The following HERC1 variants were observed in gnomAD, a reference collection of about 807,000 sequenced individuals.
The protein encoded by HERC1 is HECT and RLD domain containing E3 ubiquitin protein ligase family member 1, also known as probable E3 ubiquitin-protein ligase HERC1.
In HERC1, 160 loss-of-function variants were observed where a neutral mutation model predicts 554.3. The observed-to-expected ratio is 0.29, with a 90% CI of 0.25 to 0.33. HERC1 has a LOEUF of 0.33. Ranked by LOEUF, HERC1 falls within the 10% of genes least tolerant of loss-of-function variation. HERC1 has a pLI of 1.00. For synonymous variants in HERC1, 2,175 were observed against 2,131.7 expected, an observed-to-expected ratio of 1.02 and a Z score of -0.56; for missense variants, 4,919 against 5,918.5, an observed-to-expected ratio of 0.83 and a Z score of 5.54.
rs763313292 is a variant in HERC1, at chr15:63,669,533, C to T, written c.8206+5G>A. 1.9e-6 allele frequency: 3 copies of T among 1,613,400 alleles called. No individual in the cohort carries two copies. The highest frequency in any genetic ancestry group is 1.7e-6 in the Non-Finnish European group (2 of 1,179,448). ...GGATATCATAGTGCATATCAGCACA[C>T]GCACCTGTGCGGTTAGCTGGCCTTG... On this transcript the variant is annotated splice_donor_5th_base_variant and intron_variant, in intron 40 of 77. Transcript: ENST00000443617.
At chr15:63,660,073 C>T in intron 46 of HERC1, 137 bp from the exon 47 acceptor site, 1 of 721,650 alleles carries the variant, frequency 1.4e-6, no homozygotes, top group Non-Finnish European at 2.3e-6. Context: ...AATCCCAACA[C>T]TCTGGGAGGC....
chr15:63,702,933 G>A (rs541732340), intron 25 of HERC1, among the ~76,000 whole-genome samples: 79 of 152,044 alleles, frequency 5.2e-4, no homozygotes, highest in African/African-American at 1.7e-3. Context: ...GTGAAACTCC[G>A]TCTCTACTAA....
intron 75 of HERC1, 73 bp from the exon 76 acceptor site, chr15:63,615,993 C>G: frequency 7.9e-7 from 1 of 1,258,642 alleles, no homozygotes; most frequent in Non-Finnish European, 1.1e-6. Context: ...CATACAAATA[C>G]GGCACAGCAA....
intron 1 of HERC1, among the ~76,000 whole-genome samples, chr15:63,790,527 G>A (rs985476735): frequency 2.0e-5 from 3 of 151,894 alleles, no homozygotes; most frequent in South Asian, 2.1e-4. Flanking sequence ...GCAGTGAGCC[G>A]AGATCGCACC....
At chr15:63,787,519 G>A (rs1022060810) in intron 1 of HERC1, among the ~76,000 whole-genome samples, 1 of 151,724 alleles carries the variant, frequency 6.6e-6, no homozygotes, top group African/African-American at 2.4e-5. Flanking sequence ...ATGAACTGAG[G>A]GTATGTTACT....
chr15:63,769,246 C>T (rs1388450473), intron 2 of HERC1, among the ~76,000 whole-genome samples: 11 of 151,906 alleles, frequency 7.2e-5, no homozygotes, highest in Admixed American at 2.0e-4. Context: ...GGCAAAACCC[C>T]GTCTCTACTA....
At chr15:63,630,386 T>G in intron 69 of HERC1, 80 bp downstream of exon 69, 2 of 1,383,258 alleles carry the variant, frequency 1.4e-6, no homozygotes, top group Non-Finnish European at 1.0e-6. Context: ...ATGAATTTCC[T>G]AGCTTATCTC....
At chr15:63,717,330 A>T (rs758529348) in intron 21 of HERC1, among the ~76,000 whole-genome samples, 45 of 152,224 alleles carry the variant, frequency 3.0e-4, no homozygotes, top group Admixed American at 2.0e-3. Flanking sequence ...CTAAGTCAGT[A>T]TATGACAAAA....
chr15:63,809,838 T>G (rs1244655616), intron 1 of HERC1, among the ~76,000 whole-genome samples: 2 of 151,944 alleles, frequency 1.3e-5, no homozygotes, highest in Non-Finnish European at 2.9e-5. Flanking sequence ...GAAATGACGT[T>G]TTTTGTTTTC....
Position 63,680,442 on chromosome 15 carries a change from G to A in HERC1, c.6465+95C>T. 3.1e-6 allele frequency: 4 copies of A among 1,283,992 alleles called. No individual in the cohort carries two copies. The highest frequency in any genetic ancestry group is 4.3e-6 in the Non-Finnish European group (4 of 940,248). The allele number at this position is 1,283,992 out of a possible 1,614,324, so 79.5% of individuals were successfully genotyped here. ...ATTAGAGAGAAAGGAGAGACGAGCA[G>A]ATAATCTATAAACTGAATACGTGGC... is the stretch of plus-strand genomic sequence containing the variant. On this transcript the variant is annotated intron_variant, in intron 35 of 77. Transcript: ENST00000443617. The surrounding 1 kb of genome is among the most constrained non-coding windows in gnomAD (Gnocchi z 5.8).
intron 23 of HERC1, 94 bp downstream of exon 23, chr15:63,713,259 C>A: frequency 1.9e-6 from 2 of 1,057,982 alleles, no homozygotes; most frequent in Non-Finnish European, 2.8e-6. Context: ...ATGTTAACAT[C>A]AGAACACTGT....
intron 1 of HERC1, among the ~76,000 whole-genome samples, chr15:63,777,586 A>C (rs1460458648): frequency 6.6e-6 from 1 of 152,156 alleles, no homozygotes; most frequent in Non-Finnish European, 1.5e-5. Flanking sequence ...TTATTCATGC[A>C]TTCTCCTATT....
At chr15:63,789,089 T>TG (rs1567129103) in intron 1 of HERC1, among the ~76,000 whole-genome samples, 1 of 108,560 alleles carries the variant, frequency 9.2e-6, no homozygotes, top group Non-Finnish European at 1.8e-5. Context: ...TTTTTTTTTT[T>TG]TTTTTTTTTT....
At chr15:63,713,763 T>C in intron 22 of HERC1, 98 bp from the exon 23 acceptor site, 1 of 1,091,214 alleles carries the variant, frequency 9.2e-7, no homozygotes, top group Non-Finnish European at 1.3e-6. Context: ...ACCAAAAACT[T>C]ACTGAAAGAG....
chr15:63,636,187 C>T (rs952004782), intron 64 of HERC1, 45 bp from the exon 65 acceptor site: 7 of 1,560,764 alleles, frequency 4.5e-6, no homozygotes, highest in Non-Finnish European at 5.2e-6. Context: ...GATGTTAAAA[C>T]TCTCCTCTTT....
intron 37 of HERC1, among the ~76,000 whole-genome samples, chr15:63,676,982 C>T (rs1384877419): frequency 6.6e-6 from 1 of 152,178 alleles, no homozygotes; most frequent in African/African-American, 2.4e-5. Flanking sequence ...CCAAAATGCA[C>T]AGGATCAGAA....
chr15:63,691,698 G>T (rs193190416), intron 31 of HERC1, among the ~76,000 whole-genome samples: 3 of 151,958 alleles, frequency 2.0e-5, no homozygotes, highest in Non-Finnish European at 2.9e-5. Flanking sequence ...TATATTGAGC[G>T]TGTAAACATA....
At chr15:63,789,563 C>G (rs948248712) in intron 1 of HERC1, among the ~76,000 whole-genome samples, 4 of 151,560 alleles carry the variant, frequency 2.6e-5, no homozygotes, top group Admixed American at 6.6e-5. Context: ...TTCGGAAAGC[C>G]GAGGCAGGCA....
intron 1 of HERC1, among the ~76,000 whole-genome samples, chr15:63,789,096 T>G (rs1254515392): frequency 9.8e-5 from 12 of 122,824 alleles, no homozygotes; most frequent in African/African-American, 2.9e-4. Flanking sequence ...TTTTTTTTTT[T>G]TTTTTTTTTT....
Sources: gnomAD v4.1 joint callset for allele counts (sites outside exome capture counted in the v4.1 genomes callset) on GRCh38, gnomAD v4.1.1 for gene constraint, Gnocchi (gnomAD v3.1) non-coding constraint, MANE v1.5 for transcripts, NCBI Gene and HGNC (gene_info 2026-07-23, HGNC 2026-07-21) for gene names.